The following NPTN variants were observed in gnomAD, a reference collection of about 807,000 sequenced individuals.
The protein encoded by NPTN is neuroplastin.
In NPTN, 5 loss-of-function variants were observed where a neutral mutation model predicts 42.7. The ratio of observed to expected loss-of-function variants is 0.12; its 90% confidence interval spans 0.06 to 0.25. The LOEUF (loss-of-function observed/expected upper bound fraction) is 0.25. NPTN is among the 10% of genes least tolerant of loss of function. The pLI, the probability that NPTN is intolerant of heterozygous loss-of-function variation, is 1.00. For synonymous variants in NPTN, 180 were observed against 201.9 expected (o/e 0.89, Z 0.92); for missense variants, 307 against 525.4 (o/e 0.58, Z 4.06).
chr15:73,591,464 T>A (rs539931136), intron 3 of NPTN, among the ~76,000 whole-genome samples: 4 of 152,238 alleles, frequency 2.6e-5, no homozygotes, highest in African/African-American at 7.2e-5. Context: ...TCAATCCAGA[T>A]CATTCAAGAG....
At chr15:73,628,905 A>G (rs1254235114) in intron 1 of NPTN, among the ~76,000 whole-genome samples, 1 of 152,232 alleles carries the variant, frequency 6.6e-6, no homozygotes, top group African/African-American at 2.4e-5. Flanking sequence ...GGATTCCCTT[A>G]AAACAGTCTA....
intron 1 of NPTN, among the ~76,000 whole-genome samples, chr15:73,605,927 T>C (rs2141440962): frequency 6.6e-6 from 1 of 152,118 alleles, no homozygotes; most frequent in South Asian, 2.1e-4. Flanking sequence ...CATCATGCGG[T>C]GGCTCACGCC....
At chr15:73,568,148 A>G (rs11856313) in intron 6 of NPTN, 77,376 of 985,374 alleles carry the variant, frequency 0.079, 3,489 homozygotes, top group African/African-American at 0.2. Flanking sequence ...GTCTGCACTT[A>G]TCCAACAGAA....
At chr15:73,616,488 A>G (rs962442202) in intron 1 of NPTN, among the ~76,000 whole-genome samples, 2 of 152,208 alleles carry the variant, frequency 1.3e-5, no homozygotes, top group Non-Finnish European at 2.9e-5. Context: ...CTTTAGTTGC[A>G]GAACCCTTAG....
chr15:73,570,422 T>C lies in NPTN; in HGVS notation c.842A>G (p.Asp281Gly). The C allele has an allele frequency of 6.2e-7, 1 of 1,608,794 alleles. No individual in the cohort carries two copies. The highest frequency in any genetic ancestry group is 8.5e-7 in the Non-Finnish European group (1 of 1,177,130). ...GAAGCGGCCAGAGGTATTGACAATG[T>C]CCTGCAAAAAAGTGAGAATACACAA... ...WRKKENGMPM[D>G]IVNTSGRFFI... Residue 281 changes from aspartate to glycine, a missense_variant and splice_region_variant, in exon 6 of 9, where the codon GAC becomes GGC. This residue lies in a region of NPTN where 264 missense variants were observed against 491.1 expected (regional missense o/e 0.54). Transcript: ENST00000345330. This position sits in a 1 kb window ranked among gnomAD's most constrained non-coding sequence, Gnocchi z 4.0.
At chr15:73,612,037 T>C (rs771898486) in intron 1 of NPTN, among the ~76,000 whole-genome samples, 1 of 152,200 alleles carries the variant, frequency 6.6e-6, no homozygotes, top group Non-Finnish European at 1.5e-5. Flanking sequence ...GATACATAAA[T>C]GCAAAGCTAC....
chr15:73,587,944 A>C (rs991492956), intron 3 of NPTN, among the ~76,000 whole-genome samples: 2 of 152,216 alleles, frequency 1.3e-5, no homozygotes, highest in African/African-American at 4.8e-5. Context: ...TCAGATATAC[A>C]ATATAAAACC....
intron 1 of NPTN, among the ~76,000 whole-genome samples, chr15:73,601,964 G>A (rs1897102670): frequency 6.6e-6 from 1 of 152,154 alleles, no homozygotes; most frequent in African/African-American, 2.4e-5. Flanking sequence ...TGACAGCTGG[G>A]ACTAGCAGCC....
chr15:73,567,492 T>G, intron 6 of NPTN: 2 of 985,370 alleles, frequency 2.0e-6, no homozygotes, highest in Non-Finnish European at 2.4e-6. Context: ...ATATGAAAAT[T>G]TGGGGAGAAG....
intron 1 of NPTN, among the ~76,000 whole-genome samples, chr15:73,605,099 A>AGGGG (rs374734778): frequency 8.2e-6 from 1 of 121,680 alleles, no homozygotes; most frequent in East Asian, 2.6e-4. Context: ...CCCTGTCTCA[A>AGGGG]GGGGGGGGGG....
intron 4 of NPTN, among the ~76,000 whole-genome samples, chr15:73,577,984 T>C (rs547419875): frequency 6.6e-6 from 1 of 151,742 alleles, no homozygotes; most frequent in East Asian, 1.9e-4. Flanking sequence ...AAGAAGGGAG[T>C]AGGTCACACA....
At chr15:73,567,178 G>A in intron 6 of NPTN, 1 of 984,478 alleles carries the variant, frequency 1.0e-6, no homozygotes, top group African/African-American at 1.7e-5. Flanking sequence ...GTAGTAAGGG[G>A]ATGAGTTACC....
intron 1 of NPTN, among the ~76,000 whole-genome samples, chr15:73,611,241 C>T (rs1168385197): frequency 6.6e-6 from 1 of 152,108 alleles, no homozygotes; most frequent in Non-Finnish European, 1.5e-5. Flanking sequence ...ATTTCACTCC[C>T]ATTAAATGGG....
At chr15:73,584,705 C>T (rs1640285548) in intron 4 of NPTN, among the ~76,000 whole-genome samples, 1 of 150,702 alleles carries the variant, frequency 6.6e-6, no homozygotes, top group Admixed American at 6.6e-5. Context: ...TGCCGAATAC[C>T]TGAGAAACGT....
At position 73,597,682 on chromosome 15, in the gene NPTN, G is replaced by C. The variant is rs1348037045; in HGVS notation, c.92-313C>G. Among the ~76,000 whole-genome samples the C allele has an allele frequency of 6.6e-6, 1 of 152,188 alleles. No homozygotes were observed. The highest frequency in any genetic ancestry group is 1.5e-5 in the Non-Finnish European group (1 of 68,032). On this transcript the variant is annotated intron_variant, in intron 1 of 8. Coordinates refer to ENST00000345330, the MANE Select transcript of NPTN (RefSeq NM_012428.4). The surrounding 1 kb of genome is among the most constrained non-coding windows in gnomAD (Gnocchi z 6.3). ...AGCAATGGGCCCAGCTGGTAGGAAT[G>C]AGAAAGCCTCAGGTCTTGGGAAGAG...
intron 4 of NPTN, among the ~76,000 whole-genome samples, chr15:73,578,104 G>A (rs969515340): frequency 6.6e-6 from 1 of 152,118 alleles, no homozygotes; most frequent in Non-Finnish European, 1.5e-5. Context: ...AACATAGTAA[G>A]CAAGGAGAAG....
intron 6 of NPTN, among the ~76,000 whole-genome samples, chr15:73,566,305 C>T (rs1202921338): frequency 6.6e-6 from 1 of 152,158 alleles, no homozygotes; most frequent in Non-Finnish European, 1.5e-5. Flanking sequence ...ATTAGAACAG[C>T]TCTTCATTCT....
intron 4 of NPTN, among the ~76,000 whole-genome samples, chr15:73,585,963 A>G (rs1896299703): frequency 6.6e-6 from 1 of 152,212 alleles, no homozygotes; most frequent in Admixed American, 6.5e-5. Context: ...CTCTAGGGCC[A>G]CTAAACCCCA....
chr15:73,614,329 A>AT (rs1897752206), intron 1 of NPTN, among the ~76,000 whole-genome samples: 1 of 151,670 alleles, frequency 6.6e-6, no homozygotes, highest in Non-Finnish European at 1.5e-5. Context: ...TAAAAAAAAA[A>AT]TGCATATTTA....
Sources: allele counts gnomAD v4.1 joint callset (sites outside exome capture counted in the v4.1 genomes callset), GRCh38; gene constraint gnomAD v4.1.1; regional missense constraint gnomAD v4.1.1; non-coding constraint Gnocchi (gnomAD v3.1); transcripts MANE v1.5; gene names NCBI Gene and HGNC (gene_info 2026-07-23, HGNC 2026-07-21).